The following BTNL8 variants were observed in gnomAD, a reference collection of about 807,000 sequenced individuals.
The protein encoded by BTNL8 is butyrophilin like 8.
A neutral mutation model predicts 36.1 loss-of-function variants in BTNL8; 22 were observed. That is an observed-to-expected ratio of 0.61 (90% CI 0.44 to 0.87). The LOEUF (loss-of-function observed/expected upper bound fraction) is 0.87. Among genes scored for constraint, BTNL8 ranks in the 40% least tolerant of loss-of-function variants. BTNL8 has a pLI of 0.00. For missense variants in BTNL8, 526 were observed against 616.9 expected (o/e 0.85, Z 1.56); for synonymous variants, 203 against 235.6 (o/e 0.86, Z 1.27).
intron 1 of BTNL8, chr5:180,902,368 G>A: frequency 1.3e-6 from 2 of 1,551,094 alleles, no homozygotes; most frequent in South Asian, 1.2e-5. Context: ...ATCGAATGAA[G>A]TAACTGATGT....
chr5:180,927,888 G>A (rs1758176733), intron 3 of BTNL8, among the ~76,000 whole-genome samples: 1 of 152,134 alleles, frequency 6.6e-6, no homozygotes, highest in Non-Finnish European at 1.5e-5. Flanking sequence ...GGGGAGAATG[G>A]AACCAAGTTG....
chr5:180,909,767 T>A (rs1272464968), intron 2 of BTNL8: 1 of 193,532 alleles, frequency 5.2e-6, no homozygotes, highest in Non-Finnish European at 9.4e-6. Flanking sequence ...AAATTTATTG[T>A]TTACAGTTGT....
intron 3 of BTNL8, among the ~76,000 whole-genome samples, chr5:180,922,666 C>T (rs1162864382): frequency 6.6e-6 from 1 of 150,802 alleles, no homozygotes; most frequent in Middle Eastern, 3.4e-3. Context: ...AATGTATATC[C>T]TGTTATTTTT....
chr5:180,922,207 A>G (rs1366403555), intron 3 of BTNL8, among the ~76,000 whole-genome samples: 1 of 151,658 alleles, frequency 6.6e-6, no homozygotes, highest in African/African-American at 2.4e-5. Context: ...TTCAGCTCTG[A>G]TTTTGTTATG....
intron 3 of BTNL8, among the ~76,000 whole-genome samples, chr5:180,928,620 T>G (rs1009377489): frequency 3.9e-5 from 6 of 151,960 alleles, no homozygotes; most frequent in African/African-American, 1.5e-4. Context: ...ATGGAGGAAA[T>G]TTACCAACCA....
At chr5:180,904,858 G>A (rs1356657469) in intron 1 of BTNL8, among the ~76,000 whole-genome samples, 1 of 152,026 alleles carries the variant, frequency 6.6e-6, no homozygotes, top group Admixed American at 6.5e-5. Context: ...AACCAGCCTT[G>A]CATCCCAGGG....
chr5:180,926,642 G>C (rs968788869), intron 3 of BTNL8, among the ~76,000 whole-genome samples: 2 of 152,212 alleles, frequency 1.3e-5, no homozygotes, highest in Non-Finnish European at 2.9e-5. Flanking sequence ...TGGGCAGAGG[G>C]ACATCACCAT....
intron 3 of BTNL8, among the ~76,000 whole-genome samples, chr5:180,922,156 T>C (rs548359041): frequency 6.6e-6 from 1 of 152,122 alleles, no homozygotes; most frequent in African/African-American, 2.4e-5. Context: ...TCTGGATTCA[T>C]TGATCTTTTG....
chr5:180,922,960 G>T (rs1478497913), intron 3 of BTNL8, among the ~76,000 whole-genome samples: 2 of 152,004 alleles, frequency 1.3e-5, no homozygotes, highest in Non-Finnish European at 2.9e-5. Flanking sequence ...TTGTCTTTTT[G>T]ATTATTGTTG....
At chr5:180,928,026 T>A (rs1282101310) in intron 3 of BTNL8, among the ~76,000 whole-genome samples, 1 of 151,974 alleles carries the variant, frequency 6.6e-6, no homozygotes, top group Non-Finnish European at 1.5e-5. Flanking sequence ...CCAAGACACA[T>A]AATCGTCAGA....
chr5:180,909,649 A>G, intron 2 of BTNL8: 1 of 930,880 alleles, frequency 1.1e-6, no homozygotes, highest in Non-Finnish European at 1.3e-6. Context: ...AGAGGCTGAG[A>G]CAGGAGGATT....
intron 3 of BTNL8, among the ~76,000 whole-genome samples, chr5:180,936,573 G>T (rs190976013): frequency 1.1e-3 from 173 of 152,326 alleles, no homozygotes; most frequent in African/African-American, 3.7e-3. Context: ...ACTGATTAAA[G>T]AAATTGAAGA....
chr5:180,946,256 C>T (rs1485139370), intron 3 of BTNL8, among the ~76,000 whole-genome samples: 1 of 152,122 alleles, frequency 6.6e-6, no homozygotes, highest in Non-Finnish European at 1.5e-5. Context: ...AATAGAACTA[C>T]TCTATGATTC....
intron 1 of BTNL8, among the ~76,000 whole-genome samples, chr5:180,907,330 C>G (rs1201091628): frequency 8.2e-6 from 1 of 122,376 alleles, no homozygotes. Flanking sequence ...CCTGAGGCTT[C>G]TGCATTCTTC....
In BTNL8 at chr5:180,908,745, G is replaced by C; in HGVS notation, c.209G>C (p.Gly70Ala). 1 of 1,614,194 alleles carries C rather than the reference G, an allele frequency of 6.2e-7. No individual in the cohort carries two copies. Among genetic ancestry groups the C allele is most frequent in the Non-Finnish European group, 8.5e-7 (1 of 1,180,028 alleles). ...AGCGTGGTCCACCTCTACAGGGACG[G>C]GAAGGACCAGCCATTTATGCAGATG... is the stretch of plus-strand genomic sequence containing the variant. ...FSSVVHLYRD[G>A]KDQPFMQMPQ... Residue 70 changes from glycine (G) to alanine (A), a missense_variant, in exon 2 of 8, where the codon GGG becomes GCG. Coordinates refer to ENST00000340184, the MANE Select transcript of BTNL8 (RefSeq NM_001040462.3).
chr5:180,922,754 T>C lies in BTNL8; in HGVS notation c.673+11140T>C, dbSNP rs557360606. ...CAGGTCCTGAATATCTTGTTAATTT[T>C]CTGCCTCAATAATCTATCTAATACA... On this transcript the variant is annotated intron_variant, in intron 3 of 7. Coordinates refer to ENST00000340184, the MANE Select transcript of BTNL8 (RefSeq NM_001040462.3). Among the ~76,000 whole-genome samples the C allele has an allele frequency of 3.4e-4, 52 of 151,782 alleles. 1 individual carries two copies. In the South Asian group the frequency reaches 5.2e-3, roughly 15 times the overall value.
chr5:180,930,932 G>A (rs1452210895), intron 3 of BTNL8, among the ~76,000 whole-genome samples: 4 of 152,122 alleles, frequency 2.6e-5, no homozygotes, highest in African/African-American at 9.7e-5. Context: ...AGCTACCACT[G>A]ACTTTCTTCA....
At chr5:180,938,538 T>TCC in intron 3 of BTNL8, among the ~76,000 whole-genome samples, 4 of 140,454 alleles carry the variant, frequency 2.8e-5, no homozygotes, top group Admixed American at 6.8e-5. Flanking sequence ...CTTCCTTCCT[T>TCC]TCTTTCTTTT....
Position 180,950,393 on chromosome 5 carries a change from A to G in BTNL8, c.1352A>G (p.Glu451Gly), listed in dbSNP as rs780367262. Reference protein sequence around the residue: ...RPYIEYPSYNEQNGTPIVICP... With the variant: ...RPYIEYPSYNGQNGTPIVICP... ...TACATTGAGTATCCGTCCTATAATGAGCAAAATGGAACTCCCATAGTCATC... is the reference window on the plus strand; with the variant it reads ...TACATTGAGTATCCGTCCTATAATGGGCAAAATGGAACTCCCATAGTCATC... Residue 451 changes from glutamate to glycine, a missense_variant, in exon 8 of 8, where the codon GAG (glutamate) becomes GGG (glycine). Glu to Gly is a moderately conservative substitution (Grantham distance 98). Around this residue, in one of 2 missense-constraint regions of BTNL8, gnomAD observed 176 missense variants for 292.3 expected, o/e 0.60. Coordinates refer to ENST00000340184, the MANE Select transcript of BTNL8 (RefSeq NM_001040462.3). 3 of 1,462,862 alleles carry G rather than the reference A, an allele frequency of 2.1e-6. No homozygotes were observed. Among genetic ancestry groups the G allele is most frequent in the Non-Finnish European group, 2.8e-6 (3 of 1,058,852 alleles). The allele number at this position is 1,462,862 out of a possible 1,614,324, so 90.6% of individuals were successfully genotyped here. A position where few individuals can be genotyped will look rare whatever the true frequency, so the allele number is the denominator to read the frequency against.
Sources: allele counts gnomAD v4.1 joint callset (sites outside exome capture counted in the v4.1 genomes callset), GRCh38; gene constraint gnomAD v4.1.1; regional missense constraint gnomAD v4.1.1; transcripts MANE v1.5; gene names NCBI Gene and HGNC (gene_info 2026-07-23, HGNC 2026-07-21).